Variants in PFDN5 observed in about 807,000 individuals in gnomAD.
PFDN5 encodes the protein c-myc binding protein.
Under a neutral mutation model 21.5 loss-of-function variants are expected in PFDN5, and 13 were observed. That is an observed-to-expected ratio of 0.60 (90% confidence interval 0.39 to 0.96). The LOEUF (loss-of-function observed/expected upper bound fraction) is 0.96, where lower values mean the gene tolerates loss of function less well. Among genes scored for constraint, PFDN5 ranks in the 40% least tolerant of loss-of-function variants. The pLI, the probability that PFDN5 is intolerant of heterozygous loss-of-function variation, is 0.00. For missense variants in PFDN5, 188 were observed against 186.2 expected, an observed-to-expected ratio of 1.01 and a Z score of -0.06; for synonymous variants, 84 against 68.9, an observed-to-expected ratio of 1.22 and a Z score of -1.08.
intron 3 of PFDN5, chr12:53,296,533 C>T (rs2121032630): frequency 8.5e-6 from 5 of 590,442 alleles, no homozygotes; most frequent in South Asian, 3.5e-5. Context: ...CTCAGTCTCC[C>T]GAGTAGCTGG....
intron 5 of PFDN5, chr12:53,299,053 T>A (rs1944193035): frequency 7.8e-6 from 3 of 382,518 alleles, no homozygotes; most frequent in Non-Finnish European, 1.5e-5. Flanking sequence ...GGAGAATCGC[T>A]TGAACCCGGG....
chr12:53,297,957 A>G, intron 4 of PFDN5, 33 bp downstream of exon 4: 2 of 1,589,602 alleles, frequency 1.3e-6, no homozygotes, highest in Non-Finnish European at 1.7e-6. Context: ...CCCTCTAAAC[A>G]GGGAAGGGAA....
chr12:53,296,365 T>C (rs1944150209), intron 3 of PFDN5, 90 bp downstream of exon 3: 1 of 924,900 alleles, frequency 1.1e-6, no homozygotes, highest in Non-Finnish European at 1.7e-6. Flanking sequence ...TTTTGATTAC[T>C]TCAGATTACC....
intron 3 of PFDN5, 178 bp downstream of exon 3, chr12:53,296,453 G>A: frequency 1.5e-6 from 1 of 688,388 alleles, no homozygotes; most frequent in Non-Finnish European, 2.6e-6. Flanking sequence ...CTGTCGCCCA[G>A]GCTGGAGCGC....
At position 53,299,266 on chromosome 12, in the gene PFDN5, C is replaced by T. The variant is rs1378369724; in HGVS notation, c.389-3C>T. ...AACCTTTGACTCTTATTTTTTTCCA[C>T]AGCCGTCATGGAAATGATGAGTCAG... On this transcript the variant is annotated splice_region_variant and splice_polypyrimidine_tract_variant and intron_variant, in intron 5 of 5. Transcript: ENST00000334478. 6 of 1,606,814 alleles carry T rather than the reference C, an allele frequency of 3.7e-6. No individual in the cohort carries two copies. The South Asian group carries it at 5.5e-5, about 15-fold the overall frequency.
intron 3 of PFDN5, chr12:53,297,428 C>G (rs1944164519): frequency 5.5e-6 from 1 of 181,454 alleles, no homozygotes. Context: ...GACTCTGTCT[C>G]AGAAAGCAAA....
chr12:53,295,615 A>G lies in PFDN5; in HGVS notation c.48A>G (p.Glu16=). ...CGGAGCTGAATCTGCCGCAGCTAGA[A>G]ATGCTCAAGAACCAGCTGGACCAGG... The part of the protein sequence containing the change: ...NITELNLPQL[E]MLKNQLDQEV... Residue 16 remains glutamate (E), a synonymous_variant, in exon 1 of 6, where the codon GAA becomes GAG. Coordinates refer to ENST00000334478, the MANE Select transcript of PFDN5 (RefSeq NM_002624.4). 2 of 1,614,058 alleles carry G rather than the reference A, an allele frequency of 1.2e-6. No individual in the cohort carries two copies. The highest frequency in any genetic ancestry group is 1.7e-6 in the Non-Finnish European group (2 of 1,179,912).
intron 3 of PFDN5, 70 bp downstream of exon 3, chr12:53,296,345 AG>A: frequency 8.2e-7 from 1 of 1,214,048 alleles, no homozygotes; most frequent in South Asian, 1.3e-5. Context: ...AAAAGCGGGG[AG>A]GGGGATTGTT....
intron 3 of PFDN5, chr12:53,297,459 T>A: frequency 5.5e-6 from 1 of 182,700 alleles, no homozygotes; most frequent in South Asian, 9.6e-5. Context: ...AACATTGACT[T>A]TGTCAGGAAT....
chr12:53,297,511 G>C lies in PFDN5; in HGVS notation c.208-339G>C, dbSNP rs1944165516. 3 of 219,332 alleles carry C rather than the reference G, an allele frequency of 1.4e-5. No homozygotes were observed. The South Asian group carries it at 2.0e-4, about 14-fold the overall frequency. The allele number at this position is 219,332 out of a possible 1,614,324, so 13.6% of individuals were successfully genotyped here. Reference sequence around the variant, plus strand: ...GAGGGCATTAAGGGAAATGAGGCTGGCTTTTTACTTGTAGTACTCTACAAC... The same window carrying C: ...GAGGGCATTAAGGGAAATGAGGCTGCCTTTTTACTTGTAGTACTCTACAAC... On this transcript the variant is annotated intron_variant, in intron 3 of 5. Transcript: ENST00000334478.
chr12:53,296,275 T>A lies in PFDN5; in HGVS notation c.207T>A (p.Ser69=), dbSNP rs760941908. The change falls in exon 3 of 6, where the codon TCT becomes TCA. Residue 69 remains serine (S), a splice_region_variant and synonymous_variant. Coordinates refer to ENST00000334478, the MANE Select transcript of PFDN5 (RefSeq NM_002624.4). ...AATTACTCGTCCCACTGACGAGTTC[T>A]GTATCCTTTCCACAGGAACGGCTAC... ...GKELLVPLTS[S]MYVPGKLHDV... is the part of the protein sequence containing the mutation. 6.2e-7 allele frequency: 1 copy of A among 1,606,548 alleles called. No homozygotes were observed. The highest frequency in any genetic ancestry group is 2.2e-5 in the East Asian group (1 of 44,836).
rs368034279 is a variant in PFDN5, at chr12:53,299,235, G to A, written c.389-34G>A. On this transcript the variant is annotated intron_variant, in intron 5 of 5. Transcript: ENST00000334478. ...TCCTTAACTCTAGGTTCTCCTTTTT[G>A]CTTCTAACCTTTGACTCTTATTTTT... is the stretch of plus-strand genomic sequence containing the variant. 175 of 1,486,178 alleles carry A rather than the reference G, an allele frequency of 1.2e-4. 1 individual carries two copies. In the African/African-American group the frequency reaches 1.9e-3, roughly 16 times the overall value. The allele number at this position is 1,486,178 out of a possible 1,614,324, so 92.1% of individuals were successfully genotyped here.
Position 53,298,082 on chromosome 12 carries a change from T to C in PFDN5, c.320T>C (p.Ile107Thr), listed in dbSNP as rs140738196. 45 of 1,613,704 alleles carry C rather than the reference T, an allele frequency of 2.8e-5. No homozygotes were observed. The highest frequency in any genetic ancestry group is 9.3e-5 in the African/African-American group (7 of 74,910). ...EDAKDFFKRK[I>T]DFLTKQMEKI... ...GCCAAGGACTTCTTCAAGAGGAAGATAGATTTTCTAACCAAGCAGATGGAG... is the reference window on the plus strand; with the variant it reads ...GCCAAGGACTTCTTCAAGAGGAAGACAGATTTTCTAACCAAGCAGATGGAG... The change falls in exon 5 of 6, where the codon ATA becomes ACA. Residue 107 changes from isoleucine to threonine, a missense_variant. Ile to Thr is a moderately conservative substitution (Grantham distance 89). Coordinates refer to ENST00000334478, the MANE Select transcript of PFDN5 (RefSeq NM_002624.4).
chr12:53,295,786 G>C (rs779667548), intron 1 of PFDN5, 53 bp from the exon 2 acceptor site: 1 of 1,303,942 alleles, frequency 7.7e-7, no homozygotes, highest in African/African-American at 1.5e-5. Context: ...CCCCGGCCGC[G>C]CTCCTTTCTC....
intron 5 of PFDN5, 52 bp downstream of exon 5, chr12:53,298,202 G>A: frequency 8.9e-7 from 1 of 1,127,702 alleles, no homozygotes; most frequent in Non-Finnish European, 1.4e-6. Context: ...TAAGGAACAT[G>A]GATTGCAGTG....
At chr12:53,296,750 C>G in intron 3 of PFDN5, 1 of 262,724 alleles carries the variant, frequency 3.8e-6, no homozygotes, top group Non-Finnish European at 7.5e-6. Flanking sequence ...GCTCTTTTAT[C>G]TGACTTCACA....
intron 5 of PFDN5, 176 bp downstream of exon 5, chr12:53,298,326 T>A: frequency 1.8e-6 from 1 of 541,908 alleles, no homozygotes; most frequent in South Asian, 2.3e-5. Flanking sequence ...GGGTTGAGCG[T>A]TTGAGAAATT....
intron 3 of PFDN5, 129 bp downstream of exon 3, chr12:53,296,404 CTTT>C: frequency 1.7e-6 from 1 of 590,202 alleles, no homozygotes; most frequent in South Asian, 1.8e-5. Context: ...TGAGGATACC[CTTT>C]TTTTTTTTCT....
rs536169106 is a variant in PFDN5 at position 53,296,057 on chromosome 12, C to T, written c.175+116C>T. The T allele has an allele frequency of 1.9e-4, 145 of 774,156 alleles. No homozygotes were observed. The African/African-American group carries it at 2.2e-3, about 12-fold the overall frequency. 48.0% of individuals were successfully genotyped at this position (774,156 alleles called of 1,614,324 possible). On this transcript the variant is annotated intron_variant, in intron 2 of 5. Coordinates refer to ENST00000334478, the MANE Select transcript of PFDN5 (RefSeq NM_002624.4). ...AAAATCCATTACATATCGTATACCG[C>T]TTCATGAACCCTTTGCATGTTGCCT... is the stretch of plus-strand genomic sequence containing the variant.
Sources: allele counts gnomAD v4.1 joint callset, GRCh38; gene constraint gnomAD v4.1.1; transcripts MANE v1.5; gene names NCBI Gene and HGNC (gene_info 2026-07-23, HGNC 2026-07-21).